The following RGS3 variants were observed in gnomAD, a reference collection of about 807,000 sequenced individuals.
RGS3 encodes the protein regulator of G protein signaling 3.
Under a neutral mutation model 132.6 loss-of-function variants are expected in RGS3, and 80 were observed. The observed-to-expected ratio is 0.60, with a 90% CI of 0.50 to 0.73. RGS3 has a LOEUF of 0.73. RGS3 is among the 30% of genes least tolerant of loss of function. The pLI is 0.00. For synonymous variants in RGS3, 598 were observed against 620.6 expected, an observed-to-expected ratio of 0.96 and a Z score of 0.54; for missense variants, 1,382 against 1,530.8, an observed-to-expected ratio of 0.90 and a Z score of 1.62.
chr9:113,591,504 G>A lies in RGS3; in HGVS notation c.3080+107G>A, dbSNP rs778676718. 9 of 962,364 alleles carry A rather than the reference G, an allele frequency of 9.4e-6. No homozygotes were observed. Among genetic ancestry groups the A allele is most frequent in the South Asian group, 4.0e-5 (3 of 75,392 alleles). The allele number at this position is 962,364 out of a possible 1,614,324, so 59.6% of individuals were successfully genotyped here. On this transcript the variant is annotated intron_variant, in intron 21 of 24. Transcript: ENST00000350696. The surrounding 1 kb of genome is among the most constrained non-coding windows in gnomAD (Gnocchi z 4.4). ...GGGAGAAGAGGTTGTGCCTGGTCCC[G>A]CCCACAACCCCAGACAGACACCAAG...
exon 20 of RGS3, chr9:113,584,330 C>T (rs761399424): frequency 6.3e-7 from 1 of 1,599,664 alleles, no homozygotes; most frequent in Non-Finnish European, 8.5e-7. Context: ...GCCGCCTCCA[C>T]CTGGGGCATG....
At chr9:113,569,379 G>A (rs1206217764) in intron 19 of RGS3, among the ~76,000 whole-genome samples, 4 of 152,112 alleles carry the variant, frequency 2.6e-5, no homozygotes, top group Admixed American at 6.5e-5. Context: ...ACAGCAGGCC[G>A]AAGGCAGCCA....
chr9:113,497,695 T>G (rs571691880), intron 9 of RGS3, among the ~76,000 whole-genome samples: 1 of 152,266 alleles, frequency 6.6e-6, no homozygotes, highest in Non-Finnish European at 1.5e-5. Flanking sequence ...AGTGGCCCCT[T>G]CCCAGCTCCA....
chr9:113,546,839 T>TA (rs907481128), intron 19 of RGS3, among the ~76,000 whole-genome samples: 3 of 152,300 alleles, frequency 2.0e-5, no homozygotes, highest in Admixed American at 1.3e-4. Flanking sequence ...GCCCCTTGCT[T>TA]ACAGAGAAAA....
chr9:113,592,840 G>C (rs992293859), intron 21 of RGS3: 2 of 152,070 alleles, frequency 1.3e-5, no homozygotes, highest in Non-Finnish European at 2.9e-5. Context: ...AACATCTACG[G>C]TAATAATAAG....
At chr9:113,519,778 C>T (rs1200150222) in intron 16 of RGS3, among the ~76,000 whole-genome samples, 1 of 152,072 alleles carries the variant, frequency 6.6e-6, no homozygotes, top group Non-Finnish European at 1.5e-5. Flanking sequence ...TTCTTTGTCC[C>T]ATCACTTCTC....
chr9:113,566,444 G>T (rs547039329), intron 19 of RGS3, among the ~76,000 whole-genome samples: 1 of 152,254 alleles, frequency 6.6e-6, no homozygotes, highest in Non-Finnish European at 1.5e-5. Context: ...CTCTATTCTT[G>T]TTCCCAGGTG....
At chr9:113,581,941 C>A in intron 19 of RGS3, 1 of 769,686 alleles carries the variant, frequency 1.3e-6, no homozygotes, top group Non-Finnish European at 1.6e-6. Context: ...ACGCTAGAGT[C>A]CTCCAAGGCC....
chr9:113,465,659 CA>C, intron 3 of RGS3, among the ~76,000 whole-genome samples: 2 of 152,210 alleles, frequency 1.3e-5, no homozygotes, highest in East Asian at 3.9e-4. Context: ...GGTTCAGGCC[CA>C]GCAGGGAGTG....
chr9:113,488,553 T>C (rs754242054), intron 7 of RGS3, among the ~76,000 whole-genome samples: 4 of 152,158 alleles, frequency 2.6e-5, no homozygotes, highest in Non-Finnish European at 4.4e-5. Flanking sequence ...GAAAGCCCTT[T>C]GGGTGGAGGC....
Position 113,463,662 on chromosome 9 carries a change from G to C in RGS3, c.415+1461G>C, listed in dbSNP as rs894467726. The C allele has an allele frequency of 4.2e-4, 553 of 1,311,296 alleles. No individual in the cohort carries two copies. The highest frequency in any genetic ancestry group is 5.2e-4 in the Non-Finnish European group (530 of 1,026,922). The allele number at this position is 1,311,296 out of a possible 1,614,324, so 81.2% of individuals were successfully genotyped here. On this transcript the variant is annotated intron_variant, in intron 3 of 24. Coordinates refer to ENST00000350696, the Ensembl canonical transcript of RGS3. This position sits in a 1 kb window ranked among gnomAD's most constrained non-coding sequence, Gnocchi z 4.6. ...AAACCCGCGCGGGCCAATCAGGGCCGGGCGCGCCCTGGCCGTTCCAACGCT... is the reference window on the plus strand; with the variant it reads ...AAACCCGCGCGGGCCAATCAGGGCCCGGCGCGCCCTGGCCGTTCCAACGCT...
rs1275156639 is a variant in RGS3 at position 113,591,431 on chromosome 9, T to C, written c.3080+34T>C. The C allele has an allele frequency of 6.3e-7, 1 of 1,586,610 alleles. No individual in the cohort carries two copies. Among genetic ancestry groups the C allele is most frequent in the Non-Finnish European group, 8.7e-7 (1 of 1,155,698 alleles). On this transcript the variant is annotated intron_variant, in intron 21 of 24. Transcript: ENST00000350696. The surrounding 1 kb of genome is among the most constrained non-coding windows in gnomAD (Gnocchi z 4.4). The stretch of plus-strand genomic sequence containing the variant: ...GGAAGATCCCTGGCTTCTGCGCTCC[T>C]CTTCCTCCCTTGCCCCAGGGCTTGT...
chr9:113,593,987 T>C (rs1588306270), intron 21 of RGS3: 1 of 1,612,964 alleles, frequency 6.2e-7, no homozygotes, highest in East Asian at 2.2e-5. Flanking sequence ...CCAGAGGCTG[T>C]CCCTTGCAGA....
exon 15 of RGS3, chr9:113,514,555 C>T: frequency 6.2e-7 from 1 of 1,614,206 alleles, no homozygotes. Flanking sequence ...ACGGGAACTA[C>T]CAAAACTGCC....
chr9:113,546,140 C>T (rs897855463), intron 19 of RGS3, among the ~76,000 whole-genome samples: 2 of 152,140 alleles, frequency 1.3e-5, no homozygotes, highest in Non-Finnish European at 2.9e-5. Flanking sequence ...ACCTGGAGCC[C>T]GGCCACACCA....
chr9:113,595,868 A>G, intron 24 of RGS3, 103 bp downstream of exon 22: 1 of 1,252,780 alleles, frequency 8.0e-7, no homozygotes, highest in African/African-American at 1.5e-5. Flanking sequence ...AGAGGCCAGA[A>G]TGACTCCATG....
intron 10 of RGS3, among the ~76,000 whole-genome samples, chr9:113,503,944 G>A (rs894735449): frequency 2.0e-5 from 3 of 151,788 alleles, no homozygotes; most frequent in South Asian, 2.1e-4. Context: ...TCTTAGCTGC[G>A]TGTTTTCCCA....
chr9:113,503,539 C>T (rs1314183716), intron 10 of RGS3: 5 of 152,312 alleles, frequency 3.3e-5, no homozygotes, highest in African/African-American at 1.2e-4. Flanking sequence ...GCCCACAGTC[C>T]TGCTTGGATG....
chr9:113,454,299 A>G (rs768340457), intron 1 of RGS3, among the ~76,000 whole-genome samples: 16 of 152,102 alleles, frequency 1.1e-4, no homozygotes, highest in Non-Finnish European at 4.4e-5. Context: ...TCTGGGATGC[A>G]GTTAAGTTAC....
Sources: gnomAD v4.1 joint callset for allele counts (sites outside exome capture counted in the v4.1 genomes callset) on GRCh38, gnomAD v4.1.1 for gene constraint, Gnocchi (gnomAD v3.1) non-coding constraint, MANE v1.5 for transcripts, NCBI Gene and HGNC (gene_info 2026-07-23, HGNC 2026-07-21) for gene names.